The following CCDC149 variants were observed in gnomAD, a reference collection of about 807,000 sequenced individuals.
The protein encoded by CCDC149 is coiled-coil domain-containing protein 149.
Under a neutral mutation model 59.9 loss-of-function variants are expected in CCDC149, and 45 were observed. That is an observed-to-expected ratio of 0.75 (90% confidence interval 0.59 to 0.96). CCDC149 has a LOEUF of 0.96. CCDC149 is among the 40% of genes least tolerant of loss of function. The pLI, the probability that CCDC149 is intolerant of heterozygous loss-of-function variation, is 0.00. For missense variants in CCDC149, 584 were observed against 664.7 expected, an observed-to-expected ratio of 0.88 and a Z score of 1.33; for synonymous variants, 245 against 260.6, an observed-to-expected ratio of 0.94 and a Z score of 0.58.
chr4:24,873,896 C>T (rs903688966), intron 2 of CCDC149, among the ~76,000 whole-genome samples, 177 bp from the exon 3 acceptor site: 1 of 131,544 alleles, frequency 7.6e-6, no homozygotes, highest in Non-Finnish European at 1.6e-5. Flanking sequence ...ACAAACTGAA[C>T]CAGAGTTATT....
At chr4:24,898,462 C>T (rs1720973846) in intron 1 of CCDC149, among the ~76,000 whole-genome samples, 1 of 152,138 alleles carries the variant, frequency 6.6e-6, no homozygotes, top group African/African-American at 2.4e-5. Context: ...TTCTGGGGCA[C>T]TTCAGACACT....
chr4:24,850,234 A>G (rs1238115502), intron 4 of CCDC149, among the ~76,000 whole-genome samples: 1 of 151,674 alleles, frequency 6.6e-6, no homozygotes, highest in East Asian at 1.9e-4. Flanking sequence ...CCATTCCTTC[A>G]ATAGAGATTA....
intron 8 of CCDC149, 84 bp downstream of exon 8, chr4:24,834,864 A>C: frequency 9.8e-7 from 1 of 1,022,690 alleles, no homozygotes; most frequent in South Asian, 1.7e-5. Context: ...CAGACCACAA[A>C]AGCAGCAGCC....
chr4:24,875,566 C>A (rs1719364083), intron 2 of CCDC149, among the ~76,000 whole-genome samples: 1 of 150,686 alleles, frequency 6.6e-6, no homozygotes, highest in South Asian at 2.1e-4. Flanking sequence ...AACTCCTGGG[C>A]TCAAGCAATC....
intron 1 of CCDC149, among the ~76,000 whole-genome samples, chr4:24,898,849 C>T (rs1407381767): frequency 6.6e-6 from 1 of 152,066 alleles, no homozygotes; most frequent in African/African-American, 2.4e-5. Flanking sequence ...CACCTTTGGA[C>T]ATAAGCAAGT....
chr4:24,906,126 C>T (rs1342912574), intron 1 of CCDC149, among the ~76,000 whole-genome samples: 2 of 152,170 alleles, frequency 1.3e-5, no homozygotes, highest in Non-Finnish European at 2.9e-5. Context: ...AATGTCTTAC[C>T]TTATTTAAAC....
At chr4:24,887,546 C>T (rs1476572642) in intron 1 of CCDC149, among the ~76,000 whole-genome samples, 2 of 152,108 alleles carry the variant, frequency 1.3e-5, no homozygotes, top group South Asian at 2.1e-4. Context: ...TCATAACTGC[C>T]CTTGCCTTCC....
At chr4:24,865,176 G>C (rs1436438235) in intron 3 of CCDC149, among the ~76,000 whole-genome samples, 1 of 152,052 alleles carries the variant, frequency 6.6e-6, no homozygotes, top group African/African-American at 2.4e-5. Context: ...CCTTGACCTA[G>C]GCACTTTCTC....
At chr4:24,977,886 A>T (rs185279465) in intron 1 of CCDC149, among the ~76,000 whole-genome samples, 9 of 152,354 alleles carry the variant, frequency 5.9e-5, no homozygotes, top group Middle Eastern at 3.4e-3. Flanking sequence ...TAATCCCAGC[A>T]GTTTAATAGG....
intron 1 of CCDC149, among the ~76,000 whole-genome samples, chr4:24,974,146 T>C (rs1724073797): frequency 6.6e-6 from 1 of 152,182 alleles, no homozygotes; most frequent in Non-Finnish European, 1.5e-5. Flanking sequence ...CACAGCTCCT[T>C]TTGACAGTTT....
At chr4:24,974,099 T>C (rs144181135) in intron 1 of CCDC149, among the ~76,000 whole-genome samples, 1 of 152,238 alleles carries the variant, frequency 6.6e-6, no homozygotes, top group Admixed American at 6.5e-5. Flanking sequence ...GGAGAGCGCC[T>C]GTGTGCGGCC....
At chr4:24,953,116 G>C (rs928074956) in intron 1 of CCDC149, among the ~76,000 whole-genome samples, 3 of 152,098 alleles carry the variant, frequency 2.0e-5, no homozygotes, top group African/African-American at 7.2e-5. Flanking sequence ...GTTGCCCACT[G>C]TCTATTGGGT....
At chr4:24,948,987 C>T (rs747507204) in intron 1 of CCDC149, among the ~76,000 whole-genome samples, 3 of 152,214 alleles carry the variant, frequency 2.0e-5, no homozygotes, top group South Asian at 2.1e-4. Flanking sequence ...TCCCCAGCCA[C>T]GTGAAACTGT....
chr4:24,971,794 C>A (rs902911497), intron 1 of CCDC149, among the ~76,000 whole-genome samples: 1 of 152,194 alleles, frequency 6.6e-6, no homozygotes, highest in South Asian at 2.1e-4. Flanking sequence ...ACTGATAGAA[C>A]AGACTCTTTA....
chr4:24,877,353 T>C (rs1719529896), intron 1 of CCDC149, among the ~76,000 whole-genome samples: 1 of 152,126 alleles, frequency 6.6e-6, no homozygotes, highest in Admixed American at 6.5e-5. Flanking sequence ...GCCCGGCTAA[T>C]TTTTGTATTT....
At chr4:24,955,149 T>A (rs73250643) in intron 1 of CCDC149, among the ~76,000 whole-genome samples, 26,931 of 152,058 alleles carry the variant, frequency 0.18, 3,215 homozygotes, top group African/African-American at 0.33. Context: ...TATTTTTCCC[T>A]TGGTTCTGGA....
At chr4:24,884,229 C>T (rs1720022838) in intron 1 of CCDC149, among the ~76,000 whole-genome samples, 1 of 152,190 alleles carries the variant, frequency 6.6e-6, no homozygotes, top group African/African-American at 2.4e-5. Context: ...TTTCACTGCA[C>T]CTTTTCTATA....
At chr4:24,838,090 C>T (rs1716659974) in intron 5 of CCDC149, 66 bp downstream of exon 5, 5 of 1,261,316 alleles carry the variant, frequency 4.0e-6, no homozygotes, top group Non-Finnish European at 5.8e-6. Context: ...GCACAGTCCA[C>T]TCTTGTTTGT....
At chr4:24,904,330 C>G (rs1293319384) in intron 1 of CCDC149, among the ~76,000 whole-genome samples, 1 of 152,198 alleles carries the variant, frequency 6.6e-6, no homozygotes. Flanking sequence ...TTACCCTATA[C>G]CATGTACCCT....
Sources: allele counts gnomAD v4.1 joint callset (sites outside exome capture counted in the v4.1 genomes callset), GRCh38; gene constraint gnomAD v4.1.1; transcripts MANE v1.5; gene names NCBI Gene and HGNC (gene_info 2026-07-23, HGNC 2026-07-21).